The following EFL1 variants were observed in gnomAD, a reference collection of about 807,000 sequenced individuals.
EFL1 encodes elongation factor like GTPase 1, also known as elongation factor-like GTPase 1.
EFL1 carries 76 observed loss-of-function variants against 126.7 expected under a neutral mutation model. The observed-to-expected ratio is 0.60, with a 90% confidence interval of 0.50 to 0.73. The LOEUF (loss-of-function observed/expected upper bound fraction) is 0.73, where lower values mean the gene tolerates loss of function less well. Ranked by LOEUF, EFL1 falls within the 30% of genes least tolerant of loss-of-function variation. EFL1 has a pLI of 0.00. For synonymous variants in EFL1, 410 were observed against 448.4 expected (o/e 0.91, Z 1.08); for missense variants, 1,128 against 1,343.2 (o/e 0.84, Z 2.50).
chr15:82,150,245 G>A (rs1304134880), intron 18 of EFL1, among the ~76,000 whole-genome samples: 5 of 151,706 alleles, frequency 3.3e-5, no homozygotes, highest in Non-Finnish European at 5.9e-5. Flanking sequence ...ATTTCTTTTG[G>A]GAAAAAAAAC....
chr15:82,247,805 A>C (rs2074986765), intron 4 of EFL1, among the ~76,000 whole-genome samples: 1 of 152,122 alleles, frequency 6.6e-6, no homozygotes, highest in African/African-American at 2.4e-5. Flanking sequence ...ACAGAGAAAC[A>C]TGGGGAAGAG....
At chr15:82,139,754 G>C (rs775112592) in intron 18 of EFL1, among the ~76,000 whole-genome samples, 3 of 152,144 alleles carry the variant, frequency 2.0e-5, no homozygotes, top group Non-Finnish European at 2.9e-5. Context: ...GTGATCTATT[G>C]CATATATTAT....
At chr15:82,214,437 A>C (rs1355213160) in intron 15 of EFL1, among the ~76,000 whole-genome samples, 1 of 152,078 alleles carries the variant, frequency 6.6e-6, no homozygotes, top group Non-Finnish European at 1.5e-5. Flanking sequence ...GTGAACAGGA[A>C]TTTCCCCTCT....
chr15:82,252,668 C>T (rs2075033051), intron 4 of EFL1, 23 bp downstream of exon 4: 2 of 1,576,330 alleles, frequency 1.3e-6, no homozygotes, highest in South Asian at 1.1e-5. Context: ...AGCTGTGTTT[C>T]GTTAAAACAC....
chr15:82,201,920 C>T (rs2074473195), intron 15 of EFL1, among the ~76,000 whole-genome samples: 1 of 150,402 alleles, frequency 6.6e-6, no homozygotes, highest in Non-Finnish European at 1.5e-5. Flanking sequence ...GGTTCTGCAT[C>T]AGCCACTCCT....
intron 12 of EFL1, 134 bp from the exon 13 acceptor site, chr15:82,220,363 G>C (rs2074698969): frequency 7.7e-6 from 8 of 1,043,990 alleles, no homozygotes; most frequent in Non-Finnish European, 1.1e-5. Flanking sequence ...TCCTCTCCCT[G>C]TCTGTAGCAA....
chr15:82,165,287 G>A (rs2074067371), intron 15 of EFL1, among the ~76,000 whole-genome samples: 1 of 152,144 alleles, frequency 6.6e-6, no homozygotes, highest in African/African-American at 2.4e-5. Context: ...GTGAAAGAGA[G>A]AGAGCGAGAG....
intron 15 of EFL1, among the ~76,000 whole-genome samples, chr15:82,201,474 G>T (rs553388242): frequency 2.2e-4 from 34 of 152,310 alleles, no homozygotes; most frequent in African/African-American, 7.7e-4. Context: ...TTCCAGGGAA[G>T]AATCTACGTG....
chr15:82,225,368 C>T, intron 11 of EFL1, 104 bp from the exon 12 acceptor site: 2 of 767,894 alleles, frequency 2.6e-6, no homozygotes, highest in Non-Finnish European at 3.9e-6. Flanking sequence ...TGGATGGCAT[C>T]ATCAAAATAC....
In EFL1 at chr15:82,163,883, C is replaced by T; in HGVS notation, c.1852G>A (p.Val618Met). ...IPLNFEATPI[V>M]RVAVEPKHPS... Reference sequence around the variant, plus strand: ...TGTTTTGGTTCAACAGCAACTCTCACAATAGGAGTGGCTTCGAAGTTGAGT... The same window carrying T: ...TGTTTTGGTTCAACAGCAACTCTCATAATAGGAGTGGCTTCGAAGTTGAGT... The change falls in exon 16 of 20, where the codon GTG becomes ATG. Residue 618 changes from valine to methionine, a missense_variant. This residue lies in a region of EFL1 where 561 missense variants were observed against 641.7 expected (regional missense o/e 0.87). Coordinates refer to ENST00000268206, the MANE Select transcript of EFL1 (RefSeq NM_024580.6). The T allele has an allele frequency of 6.2e-7, 1 of 1,614,106 alleles. No homozygotes were observed. Among genetic ancestry groups the T allele is most frequent in the Non-Finnish European group, 8.5e-7 (1 of 1,179,994 alleles).
intron 7 of EFL1, among the ~76,000 whole-genome samples, chr15:82,237,513 C>T (rs192712875): frequency 1.5e-4 from 23 of 152,294 alleles, no homozygotes; most frequent in African/African-American, 4.8e-4. Flanking sequence ...CAACACCAAA[C>T]GTGAACATTT....
chr15:82,131,239 G>T (rs1567033675), intron 19 of EFL1, among the ~76,000 whole-genome samples: 1 of 151,932 alleles, frequency 6.6e-6, no homozygotes, highest in East Asian at 1.9e-4. Context: ...TTTTGCCTTT[G>T]TCCTCAACCT....
intron 19 of EFL1, among the ~76,000 whole-genome samples, chr15:82,133,256 C>T (rs2073679186): frequency 6.6e-6 from 1 of 152,206 alleles, no homozygotes; most frequent in Non-Finnish European, 1.5e-5. Flanking sequence ...GCCCTACTTG[C>T]TTAAACAATT....
chr15:82,232,794 T>G (rs1356557054), intron 7 of EFL1, among the ~76,000 whole-genome samples: 1 of 152,150 alleles, frequency 6.6e-6, no homozygotes, highest in African/African-American at 2.4e-5. Flanking sequence ...AAATTTCCTT[T>G]CTAAAAAATA....
chr15:82,147,627 GAAAAAA>G (rs375857086), intron 18 of EFL1, among the ~76,000 whole-genome samples: 3 of 83,950 alleles, frequency 3.6e-5, no homozygotes, highest in African/African-American at 1.3e-4. Context: ...GGGCAATAGT[GAAAAAA>G]AAAAAAAAAA....
intron 15 of EFL1, among the ~76,000 whole-genome samples, chr15:82,188,832 C>G (rs765533532): frequency 6.6e-6 from 1 of 150,642 alleles, no homozygotes; most frequent in Non-Finnish European, 1.5e-5. Context: ...AGCTGCAGTA[C>G]TATTTTAAGC....
At position 82,149,035 on chromosome 15, in the gene EFL1, C is replaced by T. The variant is rs146519281; in HGVS notation, c.2989+2430G>A. ...GGGGACTGTTATAGATGTAAAGGACCGTAACTTCATCGAAACATTTGATTT... is the reference window on the plus strand; with the variant it reads ...GGGGACTGTTATAGATGTAAAGGACTGTAACTTCATCGAAACATTTGATTT... On this transcript the variant is annotated intron_variant, in intron 18 of 19. Transcript: ENST00000268206. 7.0e-3 allele frequency among the ~76,000 whole-genome samples: 1,056 copies of T among 151,474 alleles called. 12 individuals carry two copies. The highest frequency in any genetic ancestry group is 0.024 in the African/African-American group (1,009 of 41,252).
At chr15:82,186,330 A>G (rs1224463153) in intron 15 of EFL1, among the ~76,000 whole-genome samples, 1 of 152,214 alleles carries the variant, frequency 6.6e-6, no homozygotes, top group East Asian at 1.9e-4. Flanking sequence ...TAAGGGGGAA[A>G]GGCCATTAAC....
chr15:82,200,124 T>G (rs182408869), intron 15 of EFL1, among the ~76,000 whole-genome samples: 2 of 152,124 alleles, frequency 1.3e-5, no homozygotes, highest in Admixed American at 6.5e-5. Context: ...ACAACACCTA[T>G]GCATCGGGAA....
Sources: allele counts gnomAD v4.1 joint callset (sites outside exome capture counted in the v4.1 genomes callset), GRCh38; gene constraint gnomAD v4.1.1; regional missense constraint gnomAD v4.1.1; transcripts MANE v1.5; gene names NCBI Gene and HGNC (gene_info 2026-07-23, HGNC 2026-07-21).